The following NBPF11 variants were observed in gnomAD, a reference collection of about 807,000 sequenced individuals.
The protein encoded by NBPF11 is NBPF member 11, also known as NBPF family member NBPF11.
A neutral mutation model predicts 93.9 loss-of-function variants in NBPF11; 72 were observed. The ratio of observed to expected loss-of-function variants is 0.77; its 90% CI spans 0.63 to 0.93. NBPF11 has a LOEUF of 0.93. NBPF11 is among the 40% of genes least tolerant of loss of function. NBPF11 has a pLI of 0.00. For synonymous variants in NBPF11, 224 were observed against 304.9 expected (o/e 0.73, Z 2.76); for missense variants, 705 against 802.2 (o/e 0.88, Z 1.46).
rs1663580108 is a variant in NBPF11, at chr1:148,106,231, T to G, written c.2253A>C (p.Arg751Ser). Residue 751 changes from arginine to serine, a missense_variant and splice_region_variant, in exon 21 of 24, where the codon AGA becomes AGC. Physicochemically the swap from Arg to Ser is moderately radical, Grantham distance 110 (BLOSUM62 -1). Transcript: ENST00000682118. ...QYLGLALDVD[R>S]IKKDQEEEED... ...CTTCCTCTTCTTGGTCCTTTTTAATTCCTGCAATACATTCAGACAGGGACA... is the reference window on the plus strand; with the variant it reads ...CTTCCTCTTCTTGGTCCTTTTTAATGCCTGCAATACATTCAGACAGGGACA... 1.3e-6 allele frequency: 1 copy of G among 798,260 alleles called. No individual in the cohort carries two copies. Among genetic ancestry groups the G allele is most frequent in the African/African-American group, 1.7e-5 (1 of 58,226 alleles). The allele number at this position is 798,260 out of a possible 1,614,324, so 49.4% of individuals were successfully genotyped here. A position where few individuals can be genotyped will look rare whatever the true frequency, so the allele number is the denominator to read the frequency against.
intron 2 of NBPF11, among the ~76,000 whole-genome samples, chr1:148,141,509 A>G (rs1422889902): frequency 2.6e-4 from 39 of 152,082 alleles, no homozygotes; most frequent in Non-Finnish European, 5.3e-4. Flanking sequence ...GCAGCCCCAT[A>G]CCAAGGTTTT....
chr1:148,149,227 C>T, intron 1 of NBPF11: 7 of 1,552,704 alleles, frequency 4.5e-6, no homozygotes, highest in Non-Finnish European at 6.1e-6. Flanking sequence ...CCACCATGGA[C>T]CTGGCCTCGC....
intron 8 of NBPF11, 22 bp downstream of exon 8, chr1:148,122,707 G>T (rs1468721792): frequency 6.2e-7 from 1 of 1,607,956 alleles, no homozygotes; most frequent in South Asian, 1.1e-5. Flanking sequence ...CCCATTACTT[G>T]CTCCTGAGTA....
At position 148,102,781 on chromosome 1, in the gene NBPF11, C is replaced by G. The variant is rs1338635891; in HGVS notation, c.*1115G>C. ...GCTACATTATCTTTTTACTTTTTTT[C>G]AACCCAAAATATCTCTTCTCCTTTT... On this transcript the variant is annotated 3_prime_UTR_variant, in exon 24 of 24. Coordinates refer to ENST00000682118, the MANE Select transcript of NBPF11 (RefSeq NM_001385469.3). The G allele has an allele frequency of 3.1e-4, 47 of 150,236 alleles. No individual in the cohort carries two copies. The highest frequency in any genetic ancestry group is 7.9e-4 in the African/African-American group (32 of 40,468). The allele number at this position is 150,236 out of a possible 1,614,324, so 9.3% of individuals were successfully genotyped here. A position where few individuals can be genotyped will look rare whatever the true frequency, so the allele number is the denominator to read the frequency against.
rs57869119 is a variant in NBPF11 at position 148,115,164 on chromosome 1, C to CAAA, written c.1585+626_1585+628dup. ...TAGGTGACAGAGCAGGACTCCATCACAAAAAAAAAAAAAAAAAAAAAAAAA... is the reference window on the plus strand; with the variant it reads ...TAGGTGACAGAGCAGGACTCCATCACAAAAAAAAAAAAAAAAAAAAAAAAAAAA... On this transcript the variant is annotated intron_variant, in intron 14 of 23. Transcript: ENST00000682118. 1.2e-3 allele frequency among the ~76,000 whole-genome samples: 14 copies of CAAA among 12,160 alleles called. 4 individuals carry two copies. The East Asian group carries it at 0.012, about 11-fold the overall frequency. 8.0% of individuals were successfully genotyped at this position (12,160 alleles called of 152,430 possible).
intron 1 of NBPF11, chr1:148,149,266 C>T: frequency 1.3e-6 from 2 of 1,596,212 alleles, no homozygotes; most frequent in Non-Finnish European, 8.5e-7. Context: ...TGGTGCTGCA[C>T]TCGCCGCTCA....
rs1479965939 is a variant in NBPF11 at position 148,120,357 on chromosome 1, A to G, written c.988+144T>C. On this transcript the variant is annotated intron_variant, in intron 10 of 23. Coordinates refer to ENST00000682118, the MANE Select transcript of NBPF11 (RefSeq NM_001385469.3). ...TTTGGTACCTCTGTCTTCCAACTTT[A>G]ACAAAATGTTAAAATACCCATTTCT... The G allele has an allele frequency of 4.3e-3, 2,896 of 666,922 alleles. 67 individuals are homozygous for G. In the African/African-American group the frequency reaches 0.047, roughly 11 times the overall value. The allele number at this position is 666,922 out of a possible 1,614,324, so 41.3% of individuals were successfully genotyped here. A position where few individuals can be genotyped will look rare whatever the true frequency, so the allele number is the denominator to read the frequency against.
chr1:148,119,821 A>G (rs1413973009), intron 10 of NBPF11, among the ~76,000 whole-genome samples: 73 of 151,708 alleles, frequency 4.8e-4, no homozygotes, highest in Middle Eastern at 3.4e-3. Flanking sequence ...ACGCCCATCT[A>G]CTTTTTGTAT....
intron 1 of NBPF11, chr1:148,146,401 G>A (rs1459171956): frequency 1.8e-5 from 29 of 1,598,154 alleles, no homozygotes; most frequent in Admixed American, 1.7e-5. Context: ...CGCCATGAAC[G>A]GGCTGTCGCT....
rs1379899610 is a variant in NBPF11, at chr1:148,147,787, T to C, written c.-549+3963A>G. Among the ~76,000 whole-genome samples, 6 of 151,956 alleles carry C rather than the reference T, an allele frequency of 3.9e-5. No homozygotes were observed. The East Asian group carries it at 5.8e-4, about 15-fold the overall frequency. On this transcript the variant is annotated intron_variant, in intron 1 of 23. Transcript: ENST00000682118. ...CCTGGCTCCAGGGGCCTCCCGGCAG[T>C]TGTGGGACGCTGACACCAATCACCA... is the stretch of plus-strand genomic sequence containing the variant.
At chr1:148,116,761 A>G (rs1341957478) in intron 12 of NBPF11, among the ~76,000 whole-genome samples, 2 of 151,958 alleles carry the variant, frequency 1.3e-5, no homozygotes, top group Non-Finnish European at 2.9e-5. Flanking sequence ...AATATTGAAA[A>G]GACCTTTTGC....
At position 148,120,722 on chromosome 1, in the gene NBPF11, A is replaced by T. The variant is rs1453163299; in HGVS notation, c.779-12T>A. ...GGTGGGGCCAGGGACTGGGGAGAAG[A>T]AAGGCAAACATATGATGGGTTAAAA... is the stretch of plus-strand genomic sequence containing the variant. On this transcript the variant is annotated splice_polypyrimidine_tract_variant and intron_variant, in intron 9 of 23. Coordinates refer to ENST00000682118, the MANE Select transcript of NBPF11 (RefSeq NM_001385469.3). The T allele has an allele frequency of 4.7e-6, 7 of 1,483,052 alleles. No individual in the cohort carries two copies. Among genetic ancestry groups the T allele is most frequent in the Admixed American group, 3.3e-5 (2 of 59,822 alleles). 91.9% of individuals were successfully genotyped at this position (1,483,052 alleles called of 1,614,324 possible).
At position 148,103,797 on chromosome 1, in the gene NBPF11, T is replaced by C; in HGVS notation, c.*99A>G. 2 of 1,611,952 alleles carry C rather than the reference T, an allele frequency of 1.2e-6. No homozygotes were observed. The highest frequency in any genetic ancestry group is 1.3e-5 in the African/African-American group (1 of 74,874). ...TCCTCAAATGAGTAAAACACACTTC[T>C]GTAGTGCTGGAATGAGTCAGGTAGT... On this transcript the variant is annotated 3_prime_UTR_variant, in exon 24 of 24. Coordinates refer to ENST00000682118, the MANE Select transcript of NBPF11 (RefSeq NM_001385469.3).
At chr1:148,121,347 A>AGTTTTTTTTT (rs1667785622) in intron 9 of NBPF11, among the ~76,000 whole-genome samples, 1 of 134,336 alleles carries the variant, frequency 7.4e-6, no homozygotes, top group Non-Finnish European at 1.6e-5. Context: ...CTGGTCAGAG[A>AGTTTTTTTTT]CTTTTTTTTT....
intron 3 of NBPF11, 21 bp from the exon 4 acceptor site, chr1:148,135,834 A>G: frequency 1.4e-6 from 1 of 704,900 alleles, no homozygotes. Flanking sequence ...GAAACAAATA[A>G]TTTATTTACC....
At chr1:148,117,201 C>A (rs1666777135) in intron 12 of NBPF11, among the ~76,000 whole-genome samples, 1 of 151,482 alleles carries the variant, frequency 6.6e-6, no homozygotes, top group African/African-American at 2.4e-5. Flanking sequence ...GTCATTCACT[C>A]ACCGACAGTT....
chr1:148,132,254 T>TGG (rs372148098), intron 4 of NBPF11, among the ~76,000 whole-genome samples: 6 of 143,014 alleles, frequency 4.2e-5, no homozygotes, highest in African/African-American at 1.6e-4. Flanking sequence ...TGTGTGTGTG[T>TGG]GGGGGTGTGT....
intron 4 of NBPF11, among the ~76,000 whole-genome samples, chr1:148,132,292 A>G (rs1245366708): frequency 1.4e-5 from 2 of 146,912 alleles, no homozygotes; most frequent in Non-Finnish European, 3.0e-5. Context: ...CTAAGAATCA[A>G]TTAGACATAC....
At chr1:148,114,251 C>G (rs1247425757) in intron 15 of NBPF11, among the ~76,000 whole-genome samples, 186 bp downstream of exon 15, 3 of 151,776 alleles carry the variant, frequency 2.0e-5, no homozygotes, top group Non-Finnish European at 2.9e-5. Flanking sequence ...AAGTTCCTAT[C>G]TTGAGAGGAC....
Sources: allele counts gnomAD v4.1 joint callset (sites outside exome capture counted in the v4.1 genomes callset), GRCh38; gene constraint gnomAD v4.1.1; transcripts MANE v1.5; gene names NCBI Gene and HGNC (gene_info 2026-07-23, HGNC 2026-07-21).